Variants in CCDC102B observed in about 807,000 individuals in gnomAD.
CCDC102B encodes the protein coiled-coil domain containing 102B.
CCDC102B carries 75 observed loss-of-function variants against 57.4 expected under a neutral mutation model. That is an observed-to-expected ratio of 1.31 (90% CI 1.08 to 1.58). The LOEUF (loss-of-function observed/expected upper bound fraction) is 1.58. CCDC102B is among the 40% of genes most tolerant of loss of function. The probability of loss-of-function intolerance (pLI) is 0.00; values close to 1 mark genes in which losing one functional copy is unlikely to be tolerated. For synonymous variants in CCDC102B, 206 were observed against 201.9 expected, an observed-to-expected ratio of 1.02 and a Z score of -0.17; for missense variants, 636 against 582.6, an observed-to-expected ratio of 1.09 and a Z score of -0.94.
At chr18:69,017,940 T>C (rs1024020954) in intron 7 of CCDC102B, among the ~76,000 whole-genome samples, 2 of 152,208 alleles carry the variant, frequency 1.3e-5, no homozygotes, top group Admixed American at 6.5e-5. Context: ...GTCCTCTGGG[T>C]TATTCCATGT....
At chr18:68,905,784 C>CTTTTTTTTTTTTTTTT (rs35808828) in intron 6 of CCDC102B, among the ~76,000 whole-genome samples, 2 of 70,464 alleles carry the variant, frequency 2.8e-5, no homozygotes, top group East Asian at 5.5e-4. Context: ...TTATGTCTGG[C>CTTTTTTTTTTTTTTTT]TTTTTTTTTT....
At chr18:68,998,995 T>TAG (rs1761538328) in intron 6 of CCDC102B, among the ~76,000 whole-genome samples, 2 of 42,532 alleles carry the variant, frequency 4.7e-5, no homozygotes, top group African/African-American at 1.6e-4. Context: ...TATATATATA[T>TAG]ATATAGAGAG....
chr18:68,736,552 T>C (rs549173035), intron 2 of CCDC102B, among the ~76,000 whole-genome samples: 2 of 151,062 alleles, frequency 1.3e-5, no homozygotes, highest in South Asian at 4.1e-4. Flanking sequence ...TCTTATATAA[T>C]TTTTTAATGT....
At chr18:68,810,270 C>CT (rs1185171740) in intron 1 of CCDC102B, among the ~76,000 whole-genome samples, 1 of 151,774 alleles carries the variant, frequency 6.6e-6, no homozygotes, top group Non-Finnish European at 1.5e-5. Flanking sequence ...AGTCTTTAGT[C>CT]TTTTTTTTAA....
chr18:68,845,330 A>G (rs2037812234), intron 3 of CCDC102B, among the ~76,000 whole-genome samples: 1 of 151,866 alleles, frequency 6.6e-6, no homozygotes, highest in Non-Finnish European at 1.5e-5. Context: ...ACTGAAATAG[A>G]TCCGTATATT....
chr18:69,054,153 T>C lies in CCDC102B; in HGVS notation c.*16T>C. The C allele has an allele frequency of 6.3e-7, 1 of 1,584,278 alleles. No homozygotes were observed. The highest frequency in any genetic ancestry group is 8.5e-7 in the Non-Finnish European group (1 of 1,169,746). ...AAACTGGTAATTTTTTCACAAAATA[T>C]GCTGAATTAAAGATTAGGGCCTTAA... On this transcript the variant is annotated 3_prime_UTR_variant, in exon 8 of 8. Coordinates refer to ENST00000360242, the MANE Select transcript of CCDC102B (RefSeq NM_024781.3).
intron 6 of CCDC102B, among the ~76,000 whole-genome samples, chr18:68,987,102 T>G (rs2050744002): frequency 6.6e-6 from 1 of 152,080 alleles, no homozygotes; most frequent in South Asian, 2.1e-4. Flanking sequence ...AAAAAGAGCC[T>G]AAAGAGCCAA....
chr18:68,967,442 T>A (rs549812022), intron 6 of CCDC102B, among the ~76,000 whole-genome samples: 51 of 146,240 alleles, frequency 3.5e-4, no homozygotes, highest in African/African-American at 1.2e-3. Context: ...CTATAAGATT[T>A]AATAAATTGG....
intron 6 of CCDC102B, among the ~76,000 whole-genome samples, chr18:68,922,643 C>T (rs920527825): frequency 6.6e-6 from 1 of 152,070 alleles, no homozygotes; most frequent in South Asian, 2.1e-4. Flanking sequence ...GGATCTCTCT[C>T]CCCATGCCTT....
chr18:68,796,842 C>CAT (rs1368778469), upstream of CCDC102B, among the ~76,000 whole-genome samples: 1 of 34,860 alleles, frequency 2.9e-5, no homozygotes, highest in Non-Finnish European at 8.3e-5. Flanking sequence ...TATGTACATG[C>CAT]ATGTGTGTGT....
chr18:68,763,432 A>T (rs1292935132), intron 2 of CCDC102B, among the ~76,000 whole-genome samples: 1 of 152,112 alleles, frequency 6.6e-6, no homozygotes, highest in Non-Finnish European at 1.5e-5. Context: ...GTCAAAGCAC[A>T]ACAGCTATAT....
At position 69,043,478 on chromosome 18, in the gene CCDC102B, C is replaced by A. The variant is rs539943589; in HGVS notation, c.1435-10552C>A. Among the ~76,000 whole-genome samples the A allele has an allele frequency of 5.3e-5, 8 of 152,154 alleles. No homozygotes were observed. In the East Asian group the frequency reaches 1.4e-3, roughly 26 times the overall value. ...TTTCAGACTATCACATGGGGAGAAA[C>A]CTTGGACAATACCTGGCTTTCCTAG... On this transcript the variant is annotated intron_variant, in intron 7 of 7. Transcript: ENST00000360242.
intron 6 of CCDC102B, among the ~76,000 whole-genome samples, chr18:68,931,597 G>A (rs2041675296): frequency 6.6e-6 from 1 of 151,912 alleles, no homozygotes; most frequent in African/African-American, 2.4e-5. Context: ...AAAATTTTAT[G>A]AAGAAGTAGG....
intron 2 of CCDC102B, among the ~76,000 whole-genome samples, chr18:68,789,562 C>G (rs1482233992): frequency 6.7e-6 from 1 of 149,636 alleles, no homozygotes; most frequent in Admixed American, 6.6e-5. Flanking sequence ...CTTCCCTTCT[C>G]GCTTCATTTC....
At chr18:68,772,172 C>A (rs753971260) in intron 2 of CCDC102B, among the ~76,000 whole-genome samples, 1 of 152,030 alleles carries the variant, frequency 6.6e-6, no homozygotes, top group Non-Finnish European at 1.5e-5. Context: ...ACACCTTGAA[C>A]TGTCAATCAA....
At chr18:68,775,041 T>C (rs2034765216) in intron 2 of CCDC102B, among the ~76,000 whole-genome samples, 1 of 151,194 alleles carries the variant, frequency 6.6e-6, no homozygotes, top group Non-Finnish European at 1.5e-5. Flanking sequence ...TTTTTTTTGT[T>C]TTGTCTTTTC....
At chr18:68,968,519 CCT>C (rs1282248091) in intron 6 of CCDC102B, among the ~76,000 whole-genome samples, 2 of 152,116 alleles carry the variant, frequency 1.3e-5, no homozygotes, top group Non-Finnish European at 2.9e-5. Flanking sequence ...ATATTTATCA[CCT>C]TCGAAAGGTG....
Position 68,743,333 on chromosome 18 carries a change from G to A in CCDC102B, c.-67+26739G>A, listed in dbSNP as rs189255117. Reference sequence around the variant, plus strand: ...TGAGACAGGAGAATCACTTGAACCCGGGTGGTGGAGCCTGCAGTGAGCCAA... The same window carrying A: ...TGAGACAGGAGAATCACTTGAACCCAGGTGGTGGAGCCTGCAGTGAGCCAA... On this transcript the variant is annotated intron_variant, in intron 2 of 3. Transcript: ENST00000578970. 3.7e-3 allele frequency among the ~76,000 whole-genome samples: 559 copies of A among 152,224 alleles called. 7 individuals carry two copies. The highest frequency in any genetic ancestry group is 2.3e-3 in the Non-Finnish European group (154 of 68,004).
At chr18:68,996,977 T>C (rs1158984041) in intron 6 of CCDC102B, among the ~76,000 whole-genome samples, 2 of 152,190 alleles carry the variant, frequency 1.3e-5, no homozygotes, top group South Asian at 4.1e-4. Flanking sequence ...AATTGAATTA[T>C]GGGGGTGATT....
Sources: gnomAD v4.1 joint callset for allele counts (sites outside exome capture counted in the v4.1 genomes callset) on GRCh38, gnomAD v4.1.1 for gene constraint, MANE v1.5 for transcripts, NCBI Gene and HGNC (gene_info 2026-07-23, HGNC 2026-07-21) for gene names.